TENM1: variants seen among roughly 807,000 people sequenced by gnomAD.
TENM1 encodes the protein teneurin-1.
TENM1 carries 35 observed loss-of-function variants against 174.8 expected under a neutral mutation model. The ratio of observed to expected loss-of-function variants is 0.20; its 90% CI spans 0.15 to 0.27. TENM1 has a LOEUF of 0.27. Ranked by LOEUF, TENM1 falls within the 10% of genes least tolerant of loss-of-function variation. The probability of loss-of-function intolerance (pLI) is 1.00; values close to 1 mark genes in which losing one functional copy is unlikely to be tolerated. For synonymous variants in TENM1, 781 were observed against 798.7 expected, an observed-to-expected ratio of 0.98 and a Z score of 0.37; for missense variants, 1,633 against 2,130.1, an observed-to-expected ratio of 0.77 and a Z score of 4.59.
intron 3 of TENM1, among the ~76,000 whole-genome samples, chrX:124,738,618 T>C (rs2053731487): frequency 8.9e-6 from 1 of 111,914 alleles, no homozygotes; most frequent in Non-Finnish European, 1.9e-5. Context: ...AAATGTTTCA[T>C]GAATTTCCTA....
chrX:124,648,165 T>A (rs895302349), intron 8 of TENM1, among the ~76,000 whole-genome samples: 2 of 112,060 alleles, frequency 1.8e-5, no homozygotes, highest in Non-Finnish European at 3.8e-5. Context: ...ATTCTGACAA[T>A]CACCACATGA....
chrX:124,612,795 CATCT>C (rs1001887220), intron 11 of TENM1, among the ~76,000 whole-genome samples: 4 of 110,379 alleles, frequency 3.6e-5, no homozygotes, highest in African/African-American at 9.9e-5. Flanking sequence ...CTATCTATAT[CATCT>C]ATCTATCATT....
intron 3 of TENM1, among the ~76,000 whole-genome samples, chrX:124,766,294 T>C (rs2054537515): frequency 8.9e-6 from 1 of 111,898 alleles, no homozygotes; most frequent in African/African-American, 3.2e-5. Flanking sequence ...TTTATAACAA[T>C]GTTTTCCAAA....
intron 5 of TENM1, among the ~76,000 whole-genome samples, chrX:124,678,200 G>C (rs973168381): frequency 6.3e-5 from 7 of 111,114 alleles, no homozygotes; most frequent in Non-Finnish European, 9.5e-5. Flanking sequence ...GGGCCAGAGA[G>C]CTTGTTAAAC....
At chrX:124,708,539 A>C (rs1049566621) in intron 4 of TENM1, among the ~76,000 whole-genome samples, 2 of 111,732 alleles carry the variant, frequency 1.8e-5, no homozygotes, top group African/African-American at 3.2e-5. Context: ...AAAAATAAAC[A>C]TCTAAATGCC....
chrX:124,457,555 T>C, intron 22 of TENM1, among the ~76,000 whole-genome samples: 1 of 112,230 alleles, frequency 8.9e-6, no homozygotes, highest in East Asian at 2.8e-4. Context: ...ATAAATACTT[T>C]AATTCTTTAG....
intron 3 of TENM1, among the ~76,000 whole-genome samples, chrX:124,780,163 A>G (rs973963427): frequency 5.4e-5 from 6 of 111,910 alleles, no homozygotes; most frequent in African/African-American, 1.9e-4. Context: ...ATGCCAATGA[A>G]ATAAAATTGC....
At chrX:124,836,624 C>T (rs1162736986) in intron 3 of TENM1, among the ~76,000 whole-genome samples, 3 of 112,298 alleles carry the variant, frequency 2.7e-5, no homozygotes, top group Non-Finnish European at 5.6e-5. Flanking sequence ...TGAGACTAGA[C>T]AGCTCCCGAT....
intron 8 of TENM1, among the ~76,000 whole-genome samples, chrX:124,647,718 AT>A (rs59728780): frequency 0.037 from 3,880 of 104,425 alleles, 192 homozygotes; most frequent in African/African-American, 0.13. Flanking sequence ...TCTCGCAGGG[AT>A]TTTTTTTTGT....
intron 1 of TENM1, among the ~76,000 whole-genome samples, chrX:124,916,276 T>C (rs1190690633): frequency 9.0e-6 from 1 of 111,595 alleles, no homozygotes; most frequent in African/African-American, 3.3e-5. Flanking sequence ...CCTGCTATGG[T>C]TTGAATGTTT....
At chrX:124,689,789 G>C (rs1489770581) in intron 5 of TENM1, among the ~76,000 whole-genome samples, 2 of 109,924 alleles carry the variant, frequency 1.8e-5, no homozygotes, top group African/African-American at 6.6e-5. Context: ...TTTTTCCTAC[G>C]TGTACATGCC....
chrX:124,755,706 T>C (rs1297449932), intron 3 of TENM1, among the ~76,000 whole-genome samples: 3 of 109,917 alleles, frequency 2.7e-5, no homozygotes, highest in Middle Eastern at 4.7e-3. Flanking sequence ...TCTCTCAGCA[T>C]TTGCTTGTCT....
At chrX:124,450,326 C>G (rs2061018099) in intron 23 of TENM1, among the ~76,000 whole-genome samples, 1 of 103,010 alleles carries the variant, frequency 9.7e-6, no homozygotes, top group Non-Finnish European at 2.0e-5. Context: ...CGCCACTGCA[C>G]TCCCGCCTGG....
intron 14 of TENM1, among the ~76,000 whole-genome samples, chrX:124,556,101 C>T (rs10218028): frequency 9.0e-6 from 1 of 111,371 alleles, no homozygotes; most frequent in East Asian, 2.8e-4. Flanking sequence ...AGTATGACTC[C>T]GAAGACAAAA....
chrX:124,811,293 C>G (rs975114725), intron 3 of TENM1, among the ~76,000 whole-genome samples: 1 of 111,346 alleles, frequency 9.0e-6, no homozygotes. Flanking sequence ...TCTAAAATAT[C>G]TAAGAAACAC....
intron 3 of TENM1, among the ~76,000 whole-genome samples, chrX:124,850,725 G>A (rs1339953440): frequency 1.8e-5 from 2 of 110,187 alleles, no homozygotes; most frequent in East Asian, 5.7e-4. Flanking sequence ...GAAAGCAAAG[G>A]GCAAACCACT....
At chrX:124,592,302 T>C (rs971885271) in intron 11 of TENM1, among the ~76,000 whole-genome samples, 1 of 111,830 alleles carries the variant, frequency 8.9e-6, no homozygotes, top group African/African-American at 3.2e-5. Context: ...TGTCGCTACA[T>C]TCAGATTTTC....
chrX:124,800,981 T>A (rs1406438145), intron 3 of TENM1, among the ~76,000 whole-genome samples: 2 of 111,935 alleles, frequency 1.8e-5, no homozygotes, highest in Non-Finnish European at 3.8e-5. Context: ...TGATTTCAGT[T>A]CTTTTGCAGT....
At position 124,689,920 on chromosome X, in the gene TENM1, G is replaced by T. The variant is rs1406878150; in HGVS notation, c.1015+15093C>A. On this transcript the variant is annotated intron_variant, in intron 5 of 31. Coordinates refer to ENST00000422452, the Ensembl canonical transcript of TENM1. ...GGTGTCTCTCTCAAAATATCTTATTGTATGTAATATTTTCAGACCATAGTT... is the reference window on the plus strand; with the variant it reads ...GGTGTCTCTCTCAAAATATCTTATTTTATGTAATATTTTCAGACCATAGTT... Among the ~76,000 whole-genome samples the T allele has an allele frequency of 2.7e-5, 3 of 111,010 alleles. No homozygotes were observed. The East Asian group carries it at 8.5e-4, about 31-fold the overall frequency.
Sources: gnomAD v4.1 joint callset for allele counts (sites outside exome capture counted in the v4.1 genomes callset) on GRCh38, gnomAD v4.1.1 for gene constraint, MANE v1.5 for transcripts, NCBI Gene and HGNC (gene_info 2026-07-23, HGNC 2026-07-21) for gene names.